The following GAL3ST4 variants were observed in gnomAD, a reference collection of about 807,000 sequenced individuals.
GAL3ST4 encodes the protein beta-galactose-3-O-sulfotransferase 4.
A neutral mutation model predicts 31.6 loss-of-function variants in GAL3ST4; 30 were observed. That is an observed-to-expected ratio of 0.95 (90% CI 0.71 to 1.29). The LOEUF is 1.29. Ranked by LOEUF, GAL3ST4 falls within the 50% of genes most tolerant of loss-of-function variation. The pLI is 0.00. For synonymous variants in GAL3ST4, 248 were observed against 256.9 expected (o/e 0.97, Z 0.33); for missense variants, 629 against 625.2 (o/e 1.01, Z -0.06).
At chr7:100,161,813 A>G (rs1390779367) in intron 3 of GAL3ST4, among the ~76,000 whole-genome samples, 1 of 152,214 alleles carries the variant, frequency 6.6e-6, no homozygotes, top group East Asian at 1.9e-4. Context: ...AGCCATCATC[A>G]TGCTCAGCAA....
rs143955532 is a variant in GAL3ST4 at position 100,168,003 on chromosome 7, G to GACACACACACACACACACACACACACAC, written c.-189+542_-189+543insGTGTGTGTGTGTGTGTGTGTGTGTGTGT. Reference sequence around the variant, plus strand: ...CTGGAGAGGGAGACAGAAAGAGAGAGAGACACACACACACACACACACACA... The same window carrying GACACACACACACACACACACACACACAC: ...CTGGAGAGGGAGACAGAAAGAGAGAGACACACACACACACACACACACACACACAGACACACACACACACACACACACA... On this transcript the variant is annotated intron_variant, in intron 1 of 3. Coordinates refer to ENST00000360039, the MANE Select transcript of GAL3ST4 (RefSeq NM_024637.5). This position sits in a 1 kb window ranked among gnomAD's most constrained non-coding sequence, Gnocchi z 4.1. The GACACACACACACACACACACACACACAC allele has an allele frequency of 4.8e-5, 7 of 144,858 alleles. No individual in the cohort carries two copies. The highest frequency in any genetic ancestry group is 1.9e-4 in the African/African-American group (7 of 36,362). The allele number at this position is 144,858 out of a possible 1,614,324, so 9.0% of individuals were successfully genotyped here.
At position 100,160,308 on chromosome 7, in the gene GAL3ST4, C is replaced by T; in HGVS notation, c.1081G>A (p.Ala361Thr). The stretch of plus-strand genomic sequence containing the variant: ...AGAGCCCAGTCCAGGTTGTTCCAGG[C>T]TCGGGCCCGTGCAGTCAGCTGCCGG... The part of the protein sequence containing the change: ...EDRQLTARAR[A>T]WNNLDWALYV... The change falls in exon 4 of 4, where the codon GCC (alanine) becomes ACC (threonine). Residue 361 changes from alanine to threonine, a missense_variant. Physicochemically the swap from Ala to Thr is moderately conservative, Grantham distance 58. Coordinates refer to ENST00000360039, the MANE Select transcript of GAL3ST4 (RefSeq NM_024637.5). The T allele has an allele frequency of 9.9e-6, 16 of 1,613,776 alleles. No homozygotes were observed. Among genetic ancestry groups the T allele is most frequent in the Non-Finnish European group, 1.4e-5 (16 of 1,179,858 alleles).
chr7:100,165,870 G>C (rs1375803828), intron 3 of GAL3ST4, among the ~76,000 whole-genome samples: 2 of 137,402 alleles, frequency 1.5e-5, no homozygotes, highest in Non-Finnish European at 3.1e-5. Context: ...GGCTGGGCAA[G>C]CTCACTCCTG....
At position 100,166,496 on chromosome 7, in the gene GAL3ST4, C is replaced by G; in HGVS notation, c.429+6G>C. 1 of 1,608,900 alleles carries G rather than the reference C, an allele frequency of 6.2e-7. No homozygotes were observed. Among genetic ancestry groups the G allele is most frequent in the Non-Finnish European group, 8.5e-7 (1 of 1,176,948 alleles). On this transcript the variant is annotated splice_donor_region_variant and intron_variant, in intron 3 of 3. Coordinates refer to ENST00000360039, the MANE Select transcript of GAL3ST4 (RefSeq NM_024637.5). ...TGGTCCCTCCCACCACTGCGACACT[C>G]CTTACCTCTTTCAGGTTGAACCTCA...
In GAL3ST4 at chr7:100,168,214, C is replaced by T. The variant is rs1489789890; in HGVS notation, c.-189+332G>A. ...GGACCACGGCCCCTCCAACAAGCCC[C>T]GACAGCTCCCTGCTCCGATGAGCCA... On this transcript the variant is annotated intron_variant, in intron 1 of 3. Transcript: ENST00000360039. This position sits in a 1 kb window ranked among gnomAD's most constrained non-coding sequence, Gnocchi z 4.1. 6.6e-6 allele frequency: 1 copy of T among 152,264 alleles called. No individual in the cohort carries two copies. The highest frequency in any genetic ancestry group is 2.4e-5 in the African/African-American group (1 of 41,424). The allele number at this position is 152,264 out of a possible 1,614,324, so 9.4% of individuals were successfully genotyped here.
In GAL3ST4 at chr7:100,160,728, C is replaced by G; in HGVS notation, c.661G>C (p.Glu221Gln). The G allele has an allele frequency of 6.2e-7, 1 of 1,614,072 alleles. No homozygotes were observed. Among genetic ancestry groups the G allele is most frequent in the African/African-American group, 1.3e-5 (1 of 75,032 alleles). ...WFDFGLPFPP[E>Q]KRAKRGNIHP... Reference sequence around the variant, plus strand: ...ATATTCCCTCTCTTGGCCCTCTTCTCTGGGGGAAAGGGCAGGCCAAAGTCA... The same window carrying G: ...ATATTCCCTCTCTTGGCCCTCTTCTGTGGGGGAAAGGGCAGGCCAAAGTCA... The change falls in exon 4 of 4, where the codon GAG (glutamate) becomes CAG (glutamine). Residue 221 changes from glutamate to glutamine, a missense_variant. By Grantham distance (29) the Glu-to-Gln change is conservative. Coordinates refer to ENST00000360039, the MANE Select transcript of GAL3ST4 (RefSeq NM_024637.5).
At chr7:100,163,026 C>G (rs1799025252) in intron 3 of GAL3ST4, among the ~76,000 whole-genome samples, 1 of 152,192 alleles carries the variant, frequency 6.6e-6, no homozygotes, top group East Asian at 1.9e-4. Flanking sequence ...ACTCATTTCT[C>G]CAGCAAAAAC....
intron 2 of GAL3ST4, 48 bp from the exon 3 acceptor site, chr7:100,166,853 G>C: frequency 6.4e-7 from 1 of 1,556,208 alleles, no homozygotes; most frequent in African/African-American, 1.3e-5. Context: ...CAGCAAATGG[G>C]TAGAAGGGAC....
chr7:100,162,887 A>AT (rs1249106938), intron 3 of GAL3ST4, among the ~76,000 whole-genome samples: 2 of 152,128 alleles, frequency 1.3e-5, no homozygotes, highest in African/African-American at 2.4e-5. Context: ...GGGAAAAAAA[A>AT]GAAAAAGAAA....
At chr7:100,161,093 C>G (rs1798997984) in intron 3 of GAL3ST4, 134 bp from the exon 4 acceptor site, 1 of 710,742 alleles carries the variant, frequency 1.4e-6, no homozygotes, top group Admixed American at 3.3e-5. Flanking sequence ...TCCCCAGCTT[C>G]CATCACTTGC....
Position 100,166,382 on chromosome 7 carries a change from A to C in GAL3ST4, c.429+120T>G, listed in dbSNP as rs917344390. The C allele has an allele frequency of 1.7e-5, 18 of 1,072,974 alleles. No homozygotes were observed. In the East Asian group the frequency reaches 4.3e-4, roughly 26 times the overall value. 66.5% of individuals were successfully genotyped at this position (1,072,974 alleles called of 1,614,324 possible). On this transcript the variant is annotated intron_variant, in intron 3 of 3. Transcript: ENST00000360039. The stretch of plus-strand genomic sequence containing the variant: ...CAGGGAGCCCAACTTTGTGGCCCCT[A>C]TGTCCAACTTTAGGGTGAGATGATG...
intron 3 of GAL3ST4, among the ~76,000 whole-genome samples, chr7:100,162,380 A>C (rs906619451): frequency 4.6e-5 from 7 of 151,338 alleles, no homozygotes; most frequent in African/African-American, 9.7e-5. Context: ...CCACATCTCT[A>C]CTAAAACTAT....
At chr7:100,161,411 G>A (rs548838953) in intron 3 of GAL3ST4, among the ~76,000 whole-genome samples, 60 of 152,242 alleles carry the variant, frequency 3.9e-4, no homozygotes, top group Middle Eastern at 3.4e-3. Context: ...CACTTTGGGA[G>A]GCCGAGGCGG....
At chr7:100,163,071 C>T (rs1324973795) in intron 3 of GAL3ST4, among the ~76,000 whole-genome samples, 1 of 152,148 alleles carries the variant, frequency 6.6e-6, no homozygotes, top group Non-Finnish European at 1.5e-5. Flanking sequence ...TCACTGGCAA[C>T]AAAGGAGCAA....
At chr7:100,167,971 G>T (rs1260129815) in intron 1 of GAL3ST4, 2 of 151,716 alleles carry the variant, frequency 1.3e-5, no homozygotes, top group African/African-American at 4.9e-5. Flanking sequence ...AGACTGAAAG[G>T]GTGGGGCTGG....
In GAL3ST4 at chr7:100,160,596, T is replaced by A; in HGVS notation, c.793A>T (p.Thr265Ser). 1 of 1,613,314 alleles carries A rather than the reference T, an allele frequency of 6.2e-7. No homozygotes were observed. The highest frequency in any genetic ancestry group is 1.1e-5 in the South Asian group (1 of 91,056). ...ATCTGGCTGCGATGATCAGTAACAG[T>A]GGAAACAGGATGGATGAGGGCATTG... ...NPNALIHPVS[T>S]VTDHRSQISS... The change falls in exon 4 of 4, where the codon ACT becomes TCT. Residue 265 changes from threonine (T) to serine (S), a missense_variant. Thr to Ser is a moderately conservative substitution (Grantham distance 58, BLOSUM62 1). Coordinates refer to ENST00000360039, the MANE Select transcript of GAL3ST4 (RefSeq NM_024637.5).
chr7:100,166,472 G>A, intron 3 of GAL3ST4, 30 bp downstream of exon 3: 1 of 1,580,770 alleles, frequency 6.3e-7, no homozygotes, highest in South Asian at 1.2e-5. Context: ...ATCTGTTTCT[G>A]GTCCCTCCCA....
chr7:100,161,633 A>T (rs1334437620), intron 3 of GAL3ST4, among the ~76,000 whole-genome samples: 1 of 150,352 alleles, frequency 6.7e-6, no homozygotes, highest in Non-Finnish European at 1.5e-5. Context: ...AGCCTGGCCA[A>T]CAGAGCAAGA....
At chr7:100,167,391 G>A (rs1799092213) in intron 1 of GAL3ST4, 108 bp from the exon 2 acceptor site, 1 of 536,300 alleles carries the variant, frequency 1.9e-6, no homozygotes, top group African/African-American at 1.9e-5. Context: ...AGTGGCTGGG[G>A]ATGTTGTCTA....
Sources: gnomAD v4.1 joint callset for allele counts (sites outside exome capture counted in the v4.1 genomes callset) on GRCh38, gnomAD v4.1.1 for gene constraint, Gnocchi (gnomAD v3.1) non-coding constraint, MANE v1.5 for transcripts, NCBI Gene and HGNC (gene_info 2026-07-23, HGNC 2026-07-21) for gene names.